Variants in CERKL observed in about 807,000 individuals in gnomAD.
CERKL encodes the protein CERK like autophagy regulator, also known as ceramide kinase-like protein.
In CERKL, 61 loss-of-function variants were observed where a neutral mutation model predicts 63.4. The ratio of observed to expected loss-of-function variants is 0.96; its 90% CI spans 0.78 to 1.19. The LOEUF is 1.19. Among genes scored for constraint, CERKL ranks in the 50% most tolerant of loss-of-function variants. The pLI, the probability that CERKL is intolerant of heterozygous loss-of-function variation, is 0.00. For synonymous variants in CERKL, 250 were observed against 230.5 expected, an observed-to-expected ratio of 1.08 and a Z score of -0.77; for missense variants, 675 against 655.5, an observed-to-expected ratio of 1.03 and a Z score of -0.33.
At chr2:181,602,443 T>C (rs1685495754) in intron 2 of CERKL, among the ~76,000 whole-genome samples, 1 of 152,242 alleles carries the variant, frequency 6.6e-6, no homozygotes, top group South Asian at 2.1e-4. Context: ...GGATTCACTA[T>C]TAAAGTGCTT....
At position 181,604,080 on chromosome 2, in the gene CERKL, C is replaced by T. The variant is rs1559100465; in HGVS notation, c.239-1G>A. 6.9e-6 allele frequency: 11 copies of T among 1,587,964 alleles called. No homozygotes were observed. Among genetic ancestry groups the T allele is most frequent in the Non-Finnish European group, 8.6e-6 (10 of 1,159,472 alleles). ...CATAGCAAGTCATACTTAGAATCACCTGAAAAAAAAATAAATTTTCCAATT... is the reference window on the plus strand; with the variant it reads ...CATAGCAAGTCATACTTAGAATCACTTGAAAAAAAAATAAATTTTCCAATT... On this transcript the variant is annotated splice_acceptor_variant, in intron 1 of 12. Coordinates refer to ENST00000410087, the MANE Select transcript of CERKL (RefSeq NM_201548.5). LOFTEE classifies it high-confidence loss of function.
At chr2:181,538,637 T>C (rs926802399) in intron 12 of CERKL, among the ~76,000 whole-genome samples, 1 of 152,124 alleles carries the variant, frequency 6.6e-6, no homozygotes, top group East Asian at 1.9e-4. Flanking sequence ...CCAAGGGAAG[T>C]TGAATGCTCT....
Position 181,657,049 on chromosome 2 carries a change from C to A in CERKL, c.-43G>T. 6.5e-7 allele frequency: 1 copy of A among 1,528,174 alleles called. No homozygotes were observed. Among genetic ancestry groups the A allele is most frequent in the Non-Finnish European group, 8.9e-7 (1 of 1,129,830 alleles). 94.7% of individuals were successfully genotyped at this position (1,528,174 alleles called of 1,614,324 possible). A position where few individuals can be genotyped will look rare whatever the true frequency, so the allele number is the denominator to read the frequency against. On this transcript the variant is annotated 5_prime_UTR_variant, in exon 1 of 13. Coordinates refer to ENST00000410087, the MANE Select transcript of CERKL (RefSeq NM_201548.5). ...GGCCCGAGCCAGGGGTCCGGGGAGG[C>A]CTTTGGAGAAGGAGGTGGAGGGCGC...
At position 181,634,300 on chromosome 2, in the gene CERKL, T is replaced by C. The variant is rs960552793; in HGVS notation, c.238+22469A>G. ...AGCAGATGTTTCTTGGGGTCATTTG[T>C]ACAAAAACATAAGCATATGTTAAAG... On this transcript the variant is annotated intron_variant, in intron 1 of 12. Transcript: ENST00000410087. 3.3e-5 allele frequency among the ~76,000 whole-genome samples: 5 copies of C among 152,154 alleles called. No homozygotes were observed. The South Asian group carries it at 8.3e-4, about 25-fold the overall frequency.
At chr2:181,589,134 A>G (rs1369423656) in intron 2 of CERKL, among the ~76,000 whole-genome samples, 1 of 152,148 alleles carries the variant, frequency 6.6e-6, no homozygotes, top group East Asian at 1.9e-4. Context: ...TCAAGTTCAC[A>G]TCTTAAAAAT....
intron 1 of CERKL, among the ~76,000 whole-genome samples, chr2:181,620,036 A>T (rs1030084017): frequency 6.6e-6 from 1 of 152,170 alleles, no homozygotes; most frequent in East Asian, 1.9e-4. Context: ...TGTATATTAA[A>T]ATGTTAATAT....
rs188626040 is a variant in CERKL, at chr2:181,550,521, G to T, written c.821-813C>A. On this transcript the variant is annotated intron_variant, in intron 5 of 12. Coordinates refer to ENST00000410087, the MANE Select transcript of CERKL (RefSeq NM_201548.5). This position sits in a 1 kb window ranked among gnomAD's most constrained non-coding sequence, Gnocchi z 4.5. ...AATTTAAAATTATTAAGAACAGAAT[G>T]AATGAAGCTACAATTTTTCTTGAAT... Among the ~76,000 whole-genome samples the T allele has an allele frequency of 7.2e-5, 11 of 152,196 alleles. No homozygotes were observed. The East Asian group carries it at 1.9e-3, about 27-fold the overall frequency.
At chr2:181,605,910 G>T (rs1047554134) in intron 1 of CERKL, among the ~76,000 whole-genome samples, 3 of 151,952 alleles carry the variant, frequency 2.0e-5, no homozygotes, top group Admixed American at 2.0e-4. Flanking sequence ...TGCTCACTAA[G>T]AAGTTCCTTG....
chr2:181,656,341 A>G (rs1688153560), intron 1 of CERKL, among the ~76,000 whole-genome samples: 1 of 152,250 alleles, frequency 6.6e-6, no homozygotes, highest in Non-Finnish European at 1.5e-5. Context: ...ATAATCTGTG[A>G]GATGTTTATA....
rs371048058 is a variant in CERKL, at chr2:181,548,820, G to C, written c.933C>G (p.Thr311=). The change falls in exon 7 of 13, where the codon ACC becomes ACG. Residue 311 remains threonine (T), a synonymous_variant. Transcript: ENST00000410087. ...VQLVDVCTFS[T]AGKLLRFGFS... is the part of the protein sequence containing the mutation. The stretch of plus-strand genomic sequence containing the variant: ...ACCCAAAGCGAAGAAGCTTGCCAGC[G>C]GTGCTGAAGGTGCAGACGTCGACCA... 1 of 1,613,982 alleles carries C rather than the reference G, an allele frequency of 6.2e-7. No individual in the cohort carries two copies. The highest frequency in any genetic ancestry group is 8.5e-7 in the Non-Finnish European group (1 of 1,179,940).
rs72883697 is a variant in CERKL, at chr2:181,561,708, T to C, written c.678-3000A>G. Among the ~76,000 whole-genome samples the C allele has an allele frequency of 8.8e-3, 1,345 of 152,276 alleles. 18 individuals carry two copies. The highest frequency in any genetic ancestry group is 0.056 in the East Asian group (290 of 5,188). ...ACCTTTTAAGGTCTGATAAGAGATA[T>C]TGACCATCTATTCTCTCTGAAGCCT... On this transcript the variant is annotated intron_variant, in intron 4 of 12. Coordinates refer to ENST00000410087, the MANE Select transcript of CERKL (RefSeq NM_201548.5).
chr2:181,651,976 A>G (rs1371813246), intron 1 of CERKL, among the ~76,000 whole-genome samples: 1 of 152,190 alleles, frequency 6.6e-6, no homozygotes, highest in African/African-American at 2.4e-5. Flanking sequence ...ACTGAAAAGT[A>G]TAAAACTTTG....
At chr2:181,620,521 C>A (rs1318959234) in intron 1 of CERKL, among the ~76,000 whole-genome samples, 1 of 152,182 alleles carries the variant, frequency 6.6e-6, no homozygotes, top group Admixed American at 6.6e-5. Flanking sequence ...GTATTCAGAA[C>A]AACTGTTGAA....
chr2:181,581,699 T>G (rs1387384408), intron 2 of CERKL, among the ~76,000 whole-genome samples: 1 of 152,120 alleles, frequency 6.6e-6, no homozygotes, highest in Non-Finnish European at 1.5e-5. Flanking sequence ...ATGGAGCAAA[T>G]CCAATGCAAT....
At chr2:181,632,908 C>A (rs1687027965) in intron 1 of CERKL, among the ~76,000 whole-genome samples, 1 of 152,124 alleles carries the variant, frequency 6.6e-6, no homozygotes, top group African/African-American at 2.4e-5. Context: ...AACTAAACCA[C>A]AATTTAGGGA....
At chr2:181,555,960 C>T (rs963911264) in intron 5 of CERKL, among the ~76,000 whole-genome samples, 8 of 151,848 alleles carry the variant, frequency 5.3e-5, no homozygotes, top group Non-Finnish European at 1.2e-4. Flanking sequence ...ACCATGTTGG[C>T]CAGGCTGGTC....
At chr2:181,632,539 A>C (rs1248369965) in intron 1 of CERKL, among the ~76,000 whole-genome samples, 1 of 152,350 alleles carries the variant, frequency 6.6e-6, no homozygotes, top group South Asian at 2.1e-4. Flanking sequence ...GCACCTGTTC[A>C]GGGTGTCATA....
chr2:181,638,276 C>T (rs138639403), intron 1 of CERKL, among the ~76,000 whole-genome samples: 1 of 152,238 alleles, frequency 6.6e-6, no homozygotes, highest in Non-Finnish European at 1.5e-5. Context: ...GTCTCTAATA[C>T]CACTATCCAG....
intron 2 of CERKL, among the ~76,000 whole-genome samples, chr2:181,597,782 G>A (rs1685281650): frequency 6.6e-6 from 1 of 152,174 alleles, no homozygotes; most frequent in African/African-American, 2.4e-5. Context: ...TGTAGCACCA[G>A]ATCCCCAGCA....
Sources: allele counts gnomAD v4.1 joint callset (sites outside exome capture counted in the v4.1 genomes callset), GRCh38; gene constraint gnomAD v4.1.1; non-coding constraint Gnocchi (gnomAD v3.1); transcripts MANE v1.5; gene names NCBI Gene and HGNC (gene_info 2026-07-23, HGNC 2026-07-21).